Variants in PHC1 observed in about 807,000 individuals in gnomAD.
PHC1 encodes polyhomeotic homolog 1.
In PHC1, 12 loss-of-function variants were observed where a neutral mutation model predicts 104.3. The ratio of observed to expected loss-of-function variants is 0.12; its 90% confidence interval spans 0.07 to 0.19. The LOEUF (loss-of-function observed/expected upper bound fraction) is 0.19. Ranked by LOEUF, PHC1 falls within the 10% of genes least tolerant of loss-of-function variation. The probability of loss-of-function intolerance (pLI) is 1.00; values close to 1 mark genes in which losing one functional copy is unlikely to be tolerated. For synonymous variants in PHC1, 302 were observed against 455.8 expected, an observed-to-expected ratio of 0.66 and a Z score of 4.30; for missense variants, 671 against 1,200.0, an observed-to-expected ratio of 0.56 and a Z score of 6.51.
At chr12:8,923,365 T>C (rs1565514632) in intron 6 of PHC1, among the ~76,000 whole-genome samples, 1 of 152,226 alleles carries the variant, frequency 6.6e-6, no homozygotes. Context: ...GGACACAACC[T>C]AGGATCTTAC....
intron 6 of PHC1, among the ~76,000 whole-genome samples, chr12:8,923,551 G>A (rs1033982593): frequency 6.6e-6 from 1 of 152,244 alleles, no homozygotes; most frequent in African/African-American, 2.4e-5. Flanking sequence ...GGGAAAGGCC[G>A]GGCGCGGTGG....
chr12:8,921,046 C>T lies in PHC1; in HGVS notation c.287C>T (p.Thr96Ile). Residue 96 changes from threonine to isoleucine, a missense_variant, in exon 4 of 15, where the codon ACT (threonine) becomes ATT (isoleucine). Around this residue, in one of 9 missense-constraint regions of PHC1, gnomAD observed 237 missense variants for 331.1 expected, o/e 0.72. Coordinates refer to ENST00000544916, the MANE Select transcript of PHC1 (RefSeq NM_004426.3). ...AACACCAGCACTACACAGCAGCAGA[C>T]TACCACCACCCAGGCCTCGGTGAGT... is the stretch of plus-strand genomic sequence containing the variant. ...SPNTSTTQQQ[T>I]TTTQASINLA... The T allele has an allele frequency of 6.2e-7, 1 of 1,613,258 alleles. No individual in the cohort carries two copies. Among genetic ancestry groups the T allele is most frequent in the Non-Finnish European group, 8.5e-7 (1 of 1,179,660 alleles).
chr12:8,932,024 C>G (rs755410119), intron 7 of PHC1, among the ~76,000 whole-genome samples: 1 of 152,198 alleles, frequency 6.6e-6, no homozygotes, highest in Non-Finnish European at 1.5e-5. Context: ...TCTCAAGACT[C>G]AGATGGTGGT....
At chr12:8,927,907 TTCTTTC>T (rs1378191280) in intron 6 of PHC1, among the ~76,000 whole-genome samples, 29 of 100,484 alleles carry the variant, frequency 2.9e-4, no homozygotes, top group South Asian at 6.8e-4. Flanking sequence ...CTTTCTTTCT[TTCTTTC>T]TTTTTTTTTT....
rs2137059913 is a variant in PHC1 at position 8,919,444 on chromosome 12, C to G, written c.115-312C>G. 6.6e-6 allele frequency among the ~76,000 whole-genome samples: 1 copy of G among 152,276 alleles called. No homozygotes were observed. Among genetic ancestry groups the G allele is most frequent in the South Asian group, 2.1e-4 (1 of 4,824 alleles). On this transcript the variant is annotated intron_variant, in intron 2 of 14. Coordinates refer to ENST00000544916, the MANE Select transcript of PHC1 (RefSeq NM_004426.3). The surrounding 1 kb of genome is among the most constrained non-coding windows in gnomAD (Gnocchi z 4.9). Reference sequence around the variant, plus strand: ...CATCTCTAAAAATAAAAAAAATTAGCTGGACATGGTGGTGCATACCTATAG... The same window carrying G: ...CATCTCTAAAAATAAAAAAAATTAGGTGGACATGGTGGTGCATACCTATAG...
At position 8,919,296 on chromosome 12, in the gene PHC1, GGTGATCT is replaced by G. The variant is rs1379023573; in HGVS notation, c.115-458_115-452del. The stretch of plus-strand genomic sequence containing the variant: ...GGCTGGTCTTGAACTCCCGACCTCA[GGTGATCT>G]GCCCTCCTAGGCCTCCCAAAGTGCT... On this transcript the variant is annotated intron_variant, in intron 2 of 14. Coordinates refer to ENST00000544916, the MANE Select transcript of PHC1 (RefSeq NM_004426.3). This position sits in a 1 kb window ranked among gnomAD's most constrained non-coding sequence, Gnocchi z 4.9. Among the ~76,000 whole-genome samples the G allele has an allele frequency of 6.6e-6, 1 of 152,118 alleles. No individual in the cohort carries two copies.
chr12:8,921,993 TA>T lies in PHC1; in HGVS notation c.456+244del, dbSNP rs538357039. Among the ~76,000 whole-genome samples, 4 of 152,208 alleles carry T rather than the reference TA, an allele frequency of 2.6e-5. No individual in the cohort carries two copies. In the South Asian group the frequency reaches 8.3e-4, roughly 32 times the overall value. On this transcript the variant is annotated intron_variant, in intron 5 of 14. Transcript: ENST00000544916. The stretch of plus-strand genomic sequence containing the variant: ...TATACCTGGCTAATTTTTGTATTTT[TA>T]GTAGAGACGGGGTTTCACCATGTTG...
At chr12:8,920,445 C>T (rs867363843) in intron 3 of PHC1, among the ~76,000 whole-genome samples, 1 of 152,200 alleles carries the variant, frequency 6.6e-6, no homozygotes, top group Non-Finnish European at 1.5e-5. Flanking sequence ...TGGTGGCTTA[C>T]GCCTGTAATG....
intron 14 of PHC1, 26 bp from the exon 15 acceptor site, chr12:8,939,279 C>G (rs1374319696): frequency 1.9e-6 from 3 of 1,613,792 alleles, no homozygotes; most frequent in Non-Finnish European, 2.5e-6. Flanking sequence ...CTGGCATTAC[C>G]TACATGTTCT....
intron 6 of PHC1, among the ~76,000 whole-genome samples, chr12:8,925,018 C>T: frequency 6.6e-6 from 1 of 152,134 alleles, no homozygotes; most frequent in Admixed American, 6.6e-5. Flanking sequence ...ATTTCCATAT[C>T]CAGTTCTTTG....
At position 8,934,030 on chromosome 12, in the gene PHC1, A is replaced by G; in HGVS notation, c.2041+18A>G. The G allele has an allele frequency of 6.2e-7, 1 of 1,613,420 alleles. No homozygotes were observed. The highest frequency in any genetic ancestry group is 8.5e-7 in the Non-Finnish European group (1 of 1,179,324). On this transcript the variant is annotated intron_variant, in intron 9 of 14. Coordinates refer to ENST00000544916, the MANE Select transcript of PHC1 (RefSeq NM_004426.3). ...TCTTGGAGGTGAGTAACTGACTTCTAATGCTGTTGGAGAGCACACAGAGTA... is the reference window on the plus strand; with the variant it reads ...TCTTGGAGGTGAGTAACTGACTTCTGATGCTGTTGGAGAGCACACAGAGTA...
At chr12:8,925,840 A>G (rs375429264) in intron 6 of PHC1, among the ~76,000 whole-genome samples, 7 of 152,220 alleles carry the variant, frequency 4.6e-5, no homozygotes, top group Non-Finnish European at 1.0e-4. Context: ...TTTAAATACC[A>G]TGTTGATTTC....
At chr12:8,932,024 C>T (rs755410119) in intron 7 of PHC1, among the ~76,000 whole-genome samples, 2 of 152,198 alleles carry the variant, frequency 1.3e-5, no homozygotes, top group African/African-American at 4.8e-5. Context: ...TCTCAAGACT[C>T]AGATGGTGGT....
Position 8,936,374 on chromosome 12 carries a change from T to G in PHC1, c.2369-482T>G, listed in dbSNP as rs748082232. On this transcript the variant is annotated intron_variant, in intron 11 of 14. Coordinates refer to ENST00000544916, the MANE Select transcript of PHC1 (RefSeq NM_004426.3). ...TCCAGCCCGGGTGACAGAGTGAGAC[T>G]GTCTCAAAAAAATTTTTTTTTCCAA... 4.6e-3 allele frequency among the ~76,000 whole-genome samples: 695 copies of G among 152,290 alleles called. 5 individuals carry two copies. The highest frequency in any genetic ancestry group is 0.015 in the African/African-American group (643 of 41,576).
chr12:8,937,897 T>C lies in PHC1; in HGVS notation c.2697T>C (p.Pro899=). ...SYDEALSPTS[P]GPLSVRAGHG... Reference sequence around the variant, plus strand: ...ATGAAGCACTCTCTCCAACATCTCCTGGGCCTTTATCAGTAAGAGCTGGGC... The same window carrying C: ...ATGAAGCACTCTCTCCAACATCTCCCGGGCCTTTATCAGTAAGAGCTGGGC... The change falls in exon 14 of 15, where the codon CCT becomes CCC. Residue 899 remains proline, a synonymous_variant. Coordinates refer to ENST00000544916, the MANE Select transcript of PHC1 (RefSeq NM_004426.3). The C allele has an allele frequency of 6.2e-7, 1 of 1,609,702 alleles. No individual in the cohort carries two copies. Among genetic ancestry groups the C allele is most frequent in the Non-Finnish European group, 8.5e-7 (1 of 1,176,092 alleles).
At chr12:8,923,980 A>G (rs77330517) in intron 6 of PHC1, among the ~76,000 whole-genome samples, 2,458 of 152,284 alleles carry the variant, frequency 0.016, 74 homozygotes, top group African/African-American at 0.056. Flanking sequence ...AGGTGATTTA[A>G]AGTGTATGGG....
chr12:8,937,146 T>C (rs1945860869), intron 12 of PHC1, 30 bp from the exon 13 acceptor site: 4 of 1,594,362 alleles, frequency 2.5e-6, no homozygotes, highest in South Asian at 1.1e-5. Context: ...TGTGGCACTA[T>C]TGACATCCTA....
At chr12:8,935,261 A>AT in intron 11 of PHC1, 23 bp downstream of exon 11, 1 of 1,280,890 alleles carries the variant, frequency 7.8e-7, no homozygotes, top group Non-Finnish European at 1.1e-6. Context: ...TTAGAGACTC[A>AT]TTTGGGGGAA....
At chr12:8,938,153 C>A in intron 14 of PHC1, 93 bp downstream of exon 14, 1 of 816,362 alleles carries the variant, frequency 1.2e-6, no homozygotes, top group Non-Finnish European at 2.0e-6. Context: ...GACTTTTAAG[C>A]AGTAGGAGCT....
Sources: allele counts gnomAD v4.1 joint callset (sites outside exome capture counted in the v4.1 genomes callset), GRCh38; gene constraint gnomAD v4.1.1; regional missense constraint gnomAD v4.1.1; non-coding constraint Gnocchi (gnomAD v3.1); transcripts MANE v1.5; gene names NCBI Gene and HGNC (gene_info 2026-07-23, HGNC 2026-07-21).